GRM8: variants seen among roughly 807,000 people sequenced by gnomAD.
GRM8 encodes metabotropic glutamate receptor 8.
GRM8 carries 47 observed loss-of-function variants against 87.2 expected under a neutral mutation model. The observed-to-expected ratio is 0.54, with a 90% CI of 0.43 to 0.69. The LOEUF is 0.69. Among genes scored for constraint, GRM8 ranks in the 30% least tolerant of loss-of-function variants. The pLI, the probability that GRM8 is intolerant of heterozygous loss-of-function variation, is 0.00. For synonymous variants in GRM8, 396 were observed against 404.5 expected (o/e 0.98, Z 0.25); for missense variants, 1,019 against 1,139.2 (o/e 0.89, Z 1.52).
intron 6 of GRM8, among the ~76,000 whole-genome samples, chr7:126,818,547 T>C (rs1793998720): frequency 6.6e-6 from 1 of 152,226 alleles, no homozygotes; most frequent in Admixed American, 6.5e-5. Context: ...CTTTCAGCTA[T>C]AATAATTTTA....
chr7:127,232,894 G>C (rs958262032), intron 2 of GRM8, among the ~76,000 whole-genome samples: 10 of 152,146 alleles, frequency 6.6e-5, no homozygotes, highest in Admixed American at 1.3e-4. Context: ...CTGGAGTGCA[G>C]TGGCGCGATC....
chr7:126,871,859 G>T lies in GRM8; in HGVS notation c.1156+30683C>A, dbSNP rs576494522. On this transcript the variant is annotated intron_variant, in intron 6 of 10. Coordinates refer to ENST00000339582, the MANE Select transcript of GRM8 (RefSeq NM_000845.3). ...ATACTTGTACACATAGTAAATACTA[G>T]AACTGTTAAATTAAAAGCAAAGTGT... Among the ~76,000 whole-genome samples, 17 of 152,270 alleles carry T rather than the reference G, an allele frequency of 1.1e-4. No homozygotes were observed. In the South Asian group the frequency reaches 3.1e-3, roughly 28 times the overall value.
intron 3 of GRM8, among the ~76,000 whole-genome samples, chr7:126,982,242 C>G (rs1324123690): frequency 6.6e-6 from 1 of 152,212 alleles, no homozygotes; most frequent in African/African-American, 2.4e-5. Flanking sequence ...ATGCTGGCAG[C>G]TGATTAGATG....
At chr7:126,541,346 T>C (rs185396554) in intron 8 of GRM8, among the ~76,000 whole-genome samples, 46 of 152,172 alleles carry the variant, frequency 3.0e-4, no homozygotes, top group Admixed American at 2.4e-3. Context: ...CTTGACAAAC[T>C]GGAGGAACTA....
At chr7:126,476,014 A>G (rs1353964744) in intron 9 of GRM8, among the ~76,000 whole-genome samples, 3 of 152,160 alleles carry the variant, frequency 2.0e-5, no homozygotes, top group Non-Finnish European at 4.4e-5. Context: ...CTTTGCATAA[A>G]ACACAGGGAA....
intron 7 of GRM8, among the ~76,000 whole-genome samples, chr7:126,749,491 A>G (rs1187879443): frequency 6.6e-6 from 1 of 151,720 alleles, no homozygotes; most frequent in East Asian, 1.9e-4. Context: ...TTCTCAAAAG[A>G]TACCATTATG....
intron 7 of GRM8, among the ~76,000 whole-genome samples, chr7:126,708,682 G>C (rs1225209601): frequency 6.6e-6 from 1 of 151,774 alleles, no homozygotes; most frequent in Non-Finnish European, 1.5e-5. Context: ...TGAACATGGA[G>C]GACATTAAGT....
intron 8 of GRM8, among the ~76,000 whole-genome samples, chr7:126,580,822 G>C (rs983486211): frequency 2.0e-5 from 3 of 151,978 alleles, no homozygotes; most frequent in Non-Finnish European, 4.4e-5. Flanking sequence ...GTAGGTTTAA[G>C]GAATATTGGT....
At chr7:127,129,195 T>C (rs895306740) in intron 2 of GRM8, among the ~76,000 whole-genome samples, 3 of 152,180 alleles carry the variant, frequency 2.0e-5, no homozygotes, top group African/African-American at 7.2e-5. Flanking sequence ...TTTTAATAAA[T>C]CTATAGAATC....
At chr7:126,818,894 C>T (rs1586063493) in intron 6 of GRM8, among the ~76,000 whole-genome samples, 1 of 152,294 alleles carries the variant, frequency 6.6e-6, no homozygotes, top group Non-Finnish European at 1.5e-5. Flanking sequence ...ATACTTCAGT[C>T]TACAGGTATA....
intron 7 of GRM8, among the ~76,000 whole-genome samples, chr7:126,686,073 C>T (rs554676088): frequency 1.3e-5 from 2 of 151,774 alleles, no homozygotes; most frequent in East Asian, 4.0e-4. Flanking sequence ...AGGAGCTGCC[C>T]ACCCCAGGGT....
chr7:126,565,049 A>G (rs1021691674), intron 8 of GRM8, among the ~76,000 whole-genome samples: 6 of 152,188 alleles, frequency 3.9e-5, no homozygotes, highest in African/African-American at 1.4e-4. Context: ...GACTAGAAGG[A>G]AAATACCTCA....
At chr7:126,805,241 A>C (rs557190044) in intron 6 of GRM8, among the ~76,000 whole-genome samples, 1 of 152,322 alleles carries the variant, frequency 6.6e-6, no homozygotes, top group East Asian at 1.9e-4. Context: ...CAAAAAAGCC[A>C]AAAATGATCC....
At chr7:126,662,473 G>A (rs1282180856) in intron 7 of GRM8, among the ~76,000 whole-genome samples, 2 of 152,054 alleles carry the variant, frequency 1.3e-5, no homozygotes. Flanking sequence ...AGGCTCAAGA[G>A]GTTTATTAGA....
At chr7:127,116,435 C>T (rs1157148493) in intron 2 of GRM8, among the ~76,000 whole-genome samples, 1 of 152,178 alleles carries the variant, frequency 6.6e-6, no homozygotes, top group Admixed American at 6.5e-5. Context: ...GGAGACAGGA[C>T]TGTAAACAAC....
intron 6 of GRM8, among the ~76,000 whole-genome samples, chr7:126,852,107 G>A (rs988924709): frequency 3.3e-5 from 5 of 152,060 alleles, no homozygotes; most frequent in Admixed American, 1.3e-4. Context: ...TTCTGGTTCC[G>A]ATCTCATTCG....
intron 7 of GRM8, among the ~76,000 whole-genome samples, chr7:126,631,625 C>T (rs749270133): frequency 1.3e-5 from 2 of 152,124 alleles, no homozygotes; most frequent in Non-Finnish European, 2.9e-5. Flanking sequence ...TGCAACCTGA[C>T]TTCAAACTAT....
chr7:127,143,092 C>G (rs1372416914), intron 2 of GRM8, among the ~76,000 whole-genome samples: 1 of 152,100 alleles, frequency 6.6e-6, no homozygotes, highest in Non-Finnish European at 1.5e-5. Flanking sequence ...TCAAGCTGGT[C>G]TTTAAGATTA....
rs199901156 is a variant in GRM8, at chr7:127,057,809, C to CAAA, written c.727+48684_727+48686dup. ...AAATTTAGCACCAGCTCATATCCCA[C>CAAA]AAAAAAAAAAACCTAATATAGGGAA... On this transcript the variant is annotated intron_variant, in intron 3 of 10. Coordinates refer to ENST00000339582, the MANE Select transcript of GRM8 (RefSeq NM_000845.3). 4.0e-4 allele frequency among the ~76,000 whole-genome samples: 57 copies of CAAA among 141,450 alleles called. 1 individual carries two copies. The highest frequency in any genetic ancestry group is 3.6e-3 in the Middle Eastern group (1 of 276). The allele number at this position is 141,450 out of a possible 152,430, so 92.8% of individuals were successfully genotyped here. A position where few individuals can be genotyped will look rare whatever the true frequency, so the allele number is the denominator to read the frequency against.
Sources: allele counts gnomAD v4.1 joint callset (sites outside exome capture counted in the v4.1 genomes callset), GRCh38; gene constraint gnomAD v4.1.1; transcripts MANE v1.5; gene names NCBI Gene and HGNC (gene_info 2026-07-23, HGNC 2026-07-21).